The following MLXIPL variants were observed in gnomAD, a reference collection of about 807,000 sequenced individuals.
MLXIPL encodes MLX interacting protein like.
Under a neutral mutation model 81.5 loss-of-function variants are expected in MLXIPL, and 49 were observed. That is an observed-to-expected ratio of 0.60 (90% CI 0.48 to 0.76). MLXIPL has a LOEUF of 0.76. Ranked by LOEUF, MLXIPL falls within the 30% of genes least tolerant of loss-of-function variation. The probability of loss-of-function intolerance (pLI) is 0.00; values close to 1 mark genes in which losing one functional copy is unlikely to be tolerated. For synonymous variants in MLXIPL, 466 were observed against 485.5 expected, an observed-to-expected ratio of 0.96 and a Z score of 0.53; for missense variants, 1,053 against 1,167.0, an observed-to-expected ratio of 0.90 and a Z score of 1.42.
chr7:73,624,346 G>A lies in MLXIPL; in HGVS notation c.147C>T (p.Ser49=), dbSNP rs376539459. The change falls in exon 1 of 17, where the codon AGC becomes AGT. Residue 49 remains serine, a synonymous_variant. Coordinates refer to ENST00000313375, the MANE Select transcript of MLXIPL (RefSeq NM_032951.3). The part of the protein sequence containing the change: ...GGLLRSQVIH[S]GHFMVSSPHS... ...GCGGCGACGACACCATGAAGTGACC[G>A]CTGTGGATGACCTGCGAGCGGAGCA... 2.1e-5 allele frequency: 34 copies of A among 1,586,348 alleles called. No individual in the cohort carries two copies. Among genetic ancestry groups the A allele is most frequent in the Non-Finnish European group, 2.7e-5 (31 of 1,169,504 alleles).
chr7:73,624,605 TGGGCGGGGCCTGGGACG>T (rs1796612794), upstream of MLXIPL: 2 of 1,386,888 alleles, frequency 1.4e-6, no homozygotes, highest in South Asian at 1.6e-5. Flanking sequence ...GCCGATCGGG[TGGGCGGGGCCTGGGACG>T]GGGCGGGGCT....
intron 7 of MLXIPL, among the ~76,000 whole-genome samples, chr7:73,600,877 A>G (rs1554596016): frequency 6.6e-6 from 1 of 151,890 alleles, no homozygotes; most frequent in Non-Finnish European, 1.5e-5. Flanking sequence ...GCAGCTGGCC[A>G]CGGCCTGACC....
the MLXIPL span, among the ~76,000 whole-genome samples, chr7:73,632,144 T>C: frequency 6.6e-6 from 1 of 151,472 alleles, no homozygotes; most frequent in African/African-American, 2.4e-5. Context: ...CACACTCAGC[T>C]AATTTTTTAA....
chr7:73,597,184 G>T lies in MLXIPL; in HGVS notation c.1601C>A (p.Ala534Glu), dbSNP rs1168652119. The T allele has an allele frequency of 6.2e-7, 1 of 1,602,150 alleles. No individual in the cohort carries two copies. ...NNPCLTQLLT[A>E]AKPEQALEPP... is the part of the protein sequence containing the mutation. ...CTCTCCCCGTTGCTGGCCCTCACCT[G>T]CTGTGAGCAGCTGTGTGAGGCAGGG... is the stretch of plus-strand genomic sequence containing the variant. The change falls in exon 9 of 17, where the codon GCA becomes GAA. Residue 534 changes from alanine to glutamate, a missense_variant and splice_region_variant. By Grantham distance (107) the Ala-to-Glu change is moderately radical (BLOSUM62 -1). Coordinates refer to ENST00000313375, the MANE Select transcript of MLXIPL (RefSeq NM_032951.3).
chr7:73,612,039 G>C (rs78205282), intron 2 of MLXIPL, among the ~76,000 whole-genome samples: 1 of 151,764 alleles, frequency 6.6e-6, no homozygotes, highest in Non-Finnish European at 1.5e-5. Context: ...GATGAAGTTT[G>C]TCCTGGTACG....
At chr7:73,631,052 A>C in the MLXIPL span, among the ~76,000 whole-genome samples, 1 of 150,578 alleles carries the variant, frequency 6.6e-6, no homozygotes, top group Non-Finnish European at 1.5e-5. Context: ...TCTGTCACCC[A>C]GGCTGGAGTG....
At chr7:73,645,085 G>A in the MLXIPL span, among the ~76,000 whole-genome samples, 1 of 152,038 alleles carries the variant, frequency 6.6e-6, no homozygotes, top group African/African-American at 2.4e-5. Context: ...GGAATGCAGT[G>A]GTGACATCAT....
At chr7:73,606,932 G>T in intron 5 of MLXIPL, 42 bp downstream of exon 5, 1 of 1,606,844 alleles carries the variant, frequency 6.2e-7, no homozygotes, top group East Asian at 2.2e-5. Context: ...TACTTGGGGG[G>T]CAAAGGGATG....
At chr7:73,597,095 C>A in intron 9 of MLXIPL, 87 bp downstream of exon 9, 1 of 1,482,482 alleles carries the variant, frequency 6.7e-7, no homozygotes, top group Non-Finnish European at 9.1e-7. Flanking sequence ...GCCCCTTCAC[C>A]TTCATCTTCT....
intron 7 of MLXIPL, among the ~76,000 whole-genome samples, chr7:73,602,070 A>ACCTGCCTGCCTGCCTTCCTG (rs1554596449): frequency 2.3e-5 from 2 of 87,242 alleles, no homozygotes; most frequent in African/African-American, 7.7e-5. Flanking sequence ...CTTGCTGTCC[A>ACCTGCCTGCCTGCCTTCCTG]CCTGCCTGCC....
At chr7:73,615,883 A>C (rs1486016712) in intron 2 of MLXIPL, among the ~76,000 whole-genome samples, 188 bp downstream of exon 2, 1 of 148,654 alleles carries the variant, frequency 6.7e-6, no homozygotes, top group African/African-American at 2.5e-5. Context: ...ACTGCACTCC[A>C]GCTTGGGCAA....
intron 2 of MLXIPL, among the ~76,000 whole-genome samples, chr7:73,612,784 A>G (rs1373803244): frequency 1.3e-5 from 2 of 152,058 alleles, no homozygotes; most frequent in Non-Finnish European, 2.9e-5. Flanking sequence ...GGGCTGGGGC[A>G]GGCTTTGTTT....
In MLXIPL at chr7:73,596,948, A is replaced by G; in HGVS notation, c.1604-16T>C. The G allele has an allele frequency of 6.2e-7, 1 of 1,605,062 alleles. No individual in the cohort carries two copies. The highest frequency in any genetic ancestry group is 8.5e-7 in the Non-Finnish European group (1 of 1,177,670). The stretch of plus-strand genomic sequence containing the variant: ...TCCGGCTTAGCTGTGCACGGGCAGA[A>G]CCGTGAGGCTACTGGGGCTGGCCCA... On this transcript the variant is annotated splice_polypyrimidine_tract_variant and intron_variant, in intron 9 of 16. Transcript: ENST00000313375. This position sits in a 1 kb window ranked among gnomAD's most constrained non-coding sequence, Gnocchi z 4.7.
At chr7:73,611,401 C>T (rs909693255) in intron 2 of MLXIPL, 1 of 152,250 alleles carries the variant, frequency 6.6e-6, no homozygotes, top group Admixed American at 6.5e-5. Flanking sequence ...AACTGCTGAC[C>T]CTTCCTGCCC....
At chr7:73,640,776 CA>C in the MLXIPL span, among the ~76,000 whole-genome samples, 15,531 of 66,580 alleles carry the variant, frequency 0.23, 668 homozygotes, top group African/African-American at 0.27. Flanking sequence ...GACTCCATCT[CA>C]AAAAAAAAAA....
intron 4 of MLXIPL, 65 bp from the exon 5 acceptor site, chr7:73,607,083 A>C: frequency 6.3e-7 from 1 of 1,577,964 alleles, no homozygotes; most frequent in Non-Finnish European, 8.6e-7. Context: ...TTCCCCCCAA[A>C]GTCTCCTCTA....
chr7:73,598,445 C>T (rs1428992928), intron 8 of MLXIPL, among the ~76,000 whole-genome samples: 1 of 152,050 alleles, frequency 6.6e-6, no homozygotes, highest in African/African-American at 2.4e-5. Context: ...ATCCATTAAA[C>T]TATTCATCTA....
chr7:73,607,229 C>G (rs1414751322), intron 4 of MLXIPL, 102 bp downstream of exon 4: 8 of 1,347,650 alleles, frequency 5.9e-6, no homozygotes, highest in Non-Finnish European at 8.3e-6. Flanking sequence ...GGGGCGCAAG[C>G]TCGGGGGTCA....
chr7:73,645,029 A>ATT, the MLXIPL span, among the ~76,000 whole-genome samples: 143 of 146,286 alleles, frequency 9.8e-4, no homozygotes, highest in Non-Finnish European at 1.4e-3. Context: ...TGGGTAGAGC[A>ATT]TTTTTTTTTT....
Sources: gnomAD v4.1 joint callset for allele counts (sites outside exome capture counted in the v4.1 genomes callset) on GRCh38, gnomAD v4.1.1 for gene constraint, Gnocchi (gnomAD v3.1) non-coding constraint, MANE v1.5 for transcripts, NCBI Gene and HGNC (gene_info 2026-07-23, HGNC 2026-07-21) for gene names.